Variants in CNTLN observed in about 807,000 individuals in gnomAD.
CNTLN encodes centlein, centrosomal protein.
CNTLN carries 212 observed loss-of-function variants against 180.0 expected under a neutral mutation model. The observed-to-expected ratio is 1.18, with a 90% CI of 1.05 to 1.32. CNTLN has a LOEUF of 1.32. Among genes scored for constraint, CNTLN ranks in the 40% most tolerant of loss-of-function variants. The pLI is 0.00. For missense variants in CNTLN, 2,095 were observed against 1,610.9 expected, an observed-to-expected ratio of 1.30 and a Z score of -5.14; for synonymous variants, 722 against 563.1, an observed-to-expected ratio of 1.28 and a Z score of -3.99.
intron 2 of CNTLN, among the ~76,000 whole-genome samples, chr9:17,188,336 A>G (rs964609079): frequency 6.6e-6 from 1 of 152,090 alleles, no homozygotes; most frequent in African/African-American, 2.4e-5. Flanking sequence ...GGTATATATC[A>G]TGGAGCATAT....
chr9:17,432,451 T>C (rs1461795897), intron 18 of CNTLN, among the ~76,000 whole-genome samples: 5 of 152,054 alleles, frequency 3.3e-5, no homozygotes, highest in Non-Finnish European at 5.9e-5. Context: ...AGATGATAGA[T>C]AGAATAATTT....
chr9:17,375,318 A>G (rs573700665), intron 13 of CNTLN, among the ~76,000 whole-genome samples: 2 of 152,368 alleles, frequency 1.3e-5, no homozygotes, highest in South Asian at 4.1e-4. Context: ...TTACAAAAAA[A>G]ATAGTTGGAA....
chr9:17,488,738 A>G (rs1833004714), intron 25 of CNTLN, among the ~76,000 whole-genome samples: 1 of 152,102 alleles, frequency 6.6e-6, no homozygotes, highest in Admixed American at 6.6e-5. Context: ...CTGCAGCTTG[A>G]TATAGTGCCT....
intron 2 of CNTLN, among the ~76,000 whole-genome samples, chr9:17,166,346 T>C (rs1308341461): frequency 1.3e-5 from 2 of 151,964 alleles, no homozygotes; most frequent in African/African-American, 2.4e-5. Flanking sequence ...GAGTAGTAAA[T>C]AGGAGCAAAA....
chr9:17,512,962 G>A, the CNTLN span, among the ~76,000 whole-genome samples: 149,588 of 152,174 alleles, frequency 0.98, 73,539 homozygotes, highest in Middle Eastern at 1. Flanking sequence ...GACTACAGGC[G>A]CCCACCACTA....
intron 6 of CNTLN, among the ~76,000 whole-genome samples, chr9:17,284,516 G>C (rs967775309): frequency 1.3e-5 from 2 of 151,910 alleles, no homozygotes; most frequent in Admixed American, 1.3e-4. Flanking sequence ...GAATTTATCT[G>C]TTTCTTCTAG....
intron 5 of CNTLN, among the ~76,000 whole-genome samples, chr9:17,245,759 G>C (rs1384870389): frequency 6.6e-6 from 1 of 151,366 alleles, no homozygotes; most frequent in Non-Finnish European, 1.5e-5. Context: ...TCCTCTAACT[G>C]TGTATTTTCA....
intron 18 of CNTLN, among the ~76,000 whole-genome samples, chr9:17,435,609 G>A (rs920150522): frequency 2.7e-5 from 4 of 150,920 alleles, no homozygotes; most frequent in Admixed American, 1.3e-4. Context: ...TGCCTAGGAT[G>A]GAGTGCAGTG....
intron 2 of CNTLN, among the ~76,000 whole-genome samples, chr9:17,174,757 T>C (rs933347583): frequency 5.3e-5 from 8 of 152,182 alleles, no homozygotes; most frequent in African/African-American, 1.9e-4. Flanking sequence ...CTATACCATT[T>C]TACATTTTAT....
At chr9:17,472,172 G>C (rs1832073819) in intron 23 of CNTLN, among the ~76,000 whole-genome samples, 1 of 152,058 alleles carries the variant, frequency 6.6e-6, no homozygotes, top group Admixed American at 6.6e-5. Context: ...AGGCCACCTA[G>C]TATTGCTTAT....
At chr9:17,205,458 T>G (rs2131914218) in intron 2 of CNTLN, among the ~76,000 whole-genome samples, 1 of 152,298 alleles carries the variant, frequency 6.6e-6, no homozygotes, top group African/African-American at 2.4e-5. Flanking sequence ...AGCAACAGCC[T>G]GGGCACCAGA....
chr9:17,516,436 C>T, the CNTLN span, among the ~76,000 whole-genome samples: 1 of 152,144 alleles, frequency 6.6e-6, no homozygotes, highest in Non-Finnish European at 1.5e-5. Flanking sequence ...ATATGGGAAC[C>T]TTCAGACATG....
At chr9:17,140,111 T>C (rs993623192) in intron 1 of CNTLN, among the ~76,000 whole-genome samples, 3 of 152,186 alleles carry the variant, frequency 2.0e-5, no homozygotes, top group Admixed American at 2.0e-4. Flanking sequence ...CTGGAACAGT[T>C]TGGAAACTAG....
intron 10 of CNTLN, among the ~76,000 whole-genome samples, chr9:17,338,927 CTTAAA>C (rs1192717576): frequency 6.6e-6 from 1 of 152,118 alleles, no homozygotes; most frequent in African/African-American, 2.4e-5. Flanking sequence ...ATGTATGGTT[CTTAAA>C]TTGAAATGAA....
intron 25 of CNTLN, among the ~76,000 whole-genome samples, chr9:17,497,284 C>T (rs1833507943): frequency 6.6e-6 from 1 of 152,090 alleles, no homozygotes; most frequent in Non-Finnish European, 1.5e-5. Flanking sequence ...TCTATCTAGG[C>T]AAGTTTTGGG....
intron 2 of CNTLN, chr9:17,168,404 T>C (rs1820221969): frequency 1.3e-5 from 2 of 152,180 alleles, no homozygotes; most frequent in Non-Finnish European, 1.5e-5. Flanking sequence ...AAGAAATAAG[T>C]AATATATGAC....
chr9:17,158,460 C>T (rs1029328466), intron 2 of CNTLN, among the ~76,000 whole-genome samples: 2 of 151,836 alleles, frequency 1.3e-5, no homozygotes, highest in Non-Finnish European at 2.9e-5. Flanking sequence ...GGTATTAATT[C>T]TTTTTTAAAT....
intron 15 of CNTLN, among the ~76,000 whole-genome samples, chr9:17,406,286 A>G (rs995317930): frequency 6.6e-6 from 1 of 151,802 alleles, no homozygotes; most frequent in African/African-American, 2.4e-5. Flanking sequence ...CATCACTCTT[A>G]TATCTATCAT....
chr9:17,169,746 C>G (rs1309418418), intron 2 of CNTLN, among the ~76,000 whole-genome samples: 1 of 151,870 alleles, frequency 6.6e-6, no homozygotes, highest in African/African-American at 2.4e-5. Context: ...CTATTCTGTT[C>G]AATTGGTCTG....
Sources: allele counts gnomAD v4.1 joint callset (sites outside exome capture counted in the v4.1 genomes callset), GRCh38; gene constraint gnomAD v4.1.1; transcripts MANE v1.5; gene names NCBI Gene and HGNC (gene_info 2026-07-23, HGNC 2026-07-21).